The following TMPRSS4 variants were observed in gnomAD, a reference collection of about 807,000 sequenced individuals.
TMPRSS4 encodes transmembrane serine protease 4.
A neutral mutation model predicts 56.4 loss-of-function variants in TMPRSS4; 45 were observed. That is an observed-to-expected ratio of 0.80 (90% CI 0.63 to 1.02). TMPRSS4 has a LOEUF of 1.02. TMPRSS4 is among the 50% of genes least tolerant of loss of function. The pLI, the probability that TMPRSS4 is intolerant of heterozygous loss-of-function variation, is 0.00. For missense variants in TMPRSS4, 546 were observed against 556.7 expected (o/e 0.98, Z 0.19); for synonymous variants, 205 against 211.0 (o/e 0.97, Z 0.25).
intron 3 of TMPRSS4, among the ~76,000 whole-genome samples, chr11:118,099,380 C>T (rs1946600057): frequency 6.9e-6 from 1 of 145,456 alleles, no homozygotes; most frequent in African/African-American, 2.6e-5. Context: ...TAAAGCTTTG[C>T]AGAAAAAATC....
At position 118,113,559 on chromosome 11, in the gene TMPRSS4, G is replaced by A. The variant is rs180743194; in HGVS notation, c.910+124G>A. The stretch of plus-strand genomic sequence containing the variant: ...TCTCAAGTCCTCAGCTTGCCCATTT[G>A]TCTCTAATACGTCAGCCTAACATCA... On this transcript the variant is annotated intron_variant, in intron 9 of 12. Transcript: ENST00000437212. The A allele has an allele frequency of 7.8e-5, 87 of 1,121,038 alleles. 2 individuals are homozygous for A. The Middle Eastern group carries it at 8.3e-3, about 106-fold the overall frequency. 69.4% of individuals were successfully genotyped at this position (1,121,038 alleles called of 1,614,324 possible).
intron 5 of TMPRSS4, 183 bp from the exon 6 acceptor site, chr11:118,107,591 C>T (rs146340954): frequency 5.5e-5 from 28 of 509,578 alleles, no homozygotes; most frequent in African/African-American, 4.2e-4. Flanking sequence ...TGCCAAGGGT[C>T]GGTTCTTTAT....
At chr11:118,099,199 C>G in intron 3 of TMPRSS4, 101 bp downstream of exon 3, 8 of 914,324 alleles carry the variant, frequency 8.7e-6, no homozygotes, top group Non-Finnish European at 1.3e-5. Flanking sequence ...TCCCCCACCC[C>G]TGCCCTCACC....
chr11:118,099,675 C>T (rs953878819), intron 3 of TMPRSS4, among the ~76,000 whole-genome samples: 8 of 152,156 alleles, frequency 5.3e-5, no homozygotes, highest in African/African-American at 1.7e-4. Context: ...TGCCACGCCC[C>T]CTGCCCCCTC....
At position 118,118,239 on chromosome 11, in the gene TMPRSS4, T is replaced by C. The variant is rs1340053549; in HGVS notation, c.*326T>C. 8.0e-7 allele frequency: 1 copy of C among 1,257,554 alleles called. No individual in the cohort carries two copies. Among genetic ancestry groups the C allele is most frequent in the Non-Finnish European group, 1.0e-6 (1 of 998,252 alleles). The allele number at this position is 1,257,554 out of a possible 1,614,324, so 77.9% of individuals were successfully genotyped here. On this transcript the variant is annotated 3_prime_UTR_variant, in exon 13 of 13. Coordinates refer to ENST00000437212, the MANE Select transcript of TMPRSS4 (RefSeq NM_019894.4). Reference sequence around the variant, plus strand: ...CACACTACTGAATGGAAGCAGGCTGTCTTGTAAAAGCCCAGATCACTGTGG... The same window carrying C: ...CACACTACTGAATGGAAGCAGGCTGCCTTGTAAAAGCCCAGATCACTGTGG...
intron 11 of TMPRSS4, among the ~76,000 whole-genome samples, chr11:118,116,023 C>A (rs538762040): frequency 9.1e-6 from 1 of 110,372 alleles, no homozygotes; most frequent in African/African-American, 3.2e-5. Context: ...CTCACCCCGG[C>A]CTCATTGGCC....
In TMPRSS4 at chr11:118,113,184, G is replaced by A. The variant is rs147588004; in HGVS notation, c.744-85G>A. 2.0e-3 allele frequency: 2,824 copies of A among 1,405,132 alleles called. 33 individuals are homozygous for A. The Admixed American group carries it at 0.026, about 13-fold the overall frequency. The allele number at this position is 1,405,132 out of a possible 1,614,324, so 87.0% of individuals were successfully genotyped here. On this transcript the variant is annotated intron_variant, in intron 8 of 12. Coordinates refer to ENST00000437212, the MANE Select transcript of TMPRSS4 (RefSeq NM_019894.4). ...CCAAGGCAGTGACATCCAGCACCCC[G>A]ATCCCTAGGGCCCTGGGGACCCAGC...
chr11:118,117,044 C>A (rs1266851495), intron 11 of TMPRSS4, among the ~76,000 whole-genome samples: 1 of 152,124 alleles, frequency 6.6e-6, no homozygotes, highest in Non-Finnish European at 1.5e-5. Flanking sequence ...TCACTCAGAG[C>A]CTTTAATTTG....
chr11:118,077,845 G>A (rs184243671), intron 1 of TMPRSS4, among the ~76,000 whole-genome samples: 5 of 151,768 alleles, frequency 3.3e-5, no homozygotes, highest in Admixed American at 1.3e-4. Flanking sequence ...AACCCCATCC[G>A]TACTAAAAAT....
intron 9 of TMPRSS4, among the ~76,000 whole-genome samples, chr11:118,114,278 G>A (rs1489519639): frequency 6.6e-6 from 1 of 152,158 alleles, no homozygotes; most frequent in East Asian, 1.9e-4. Context: ...AATCAGGTAT[G>A]GCAAGGTGAC....
intron 3 of TMPRSS4, 66 bp from the exon 4 acceptor site, chr11:118,103,035 C>T (rs1207057346): frequency 6.3e-7 from 1 of 1,582,806 alleles, no homozygotes; most frequent in Non-Finnish European, 8.6e-7. Flanking sequence ...GCCAGGAAAA[C>T]CCAGCGTCTC....
downstream of TMPRSS4, among the ~76,000 whole-genome samples, chr11:118,122,161 A>G (rs1273251075): frequency 6.6e-6 from 1 of 152,216 alleles, no homozygotes; most frequent in Non-Finnish European, 1.5e-5. Context: ...AATAGAATAT[A>G]CAAAGTAGGA....
intron 12 of TMPRSS4, 145 bp from the exon 13 acceptor site, chr11:118,117,756 GA>G: frequency 6.5e-7 from 1 of 1,538,926 alleles, no homozygotes. Flanking sequence ...GAAGAGAGTG[GA>G]AAGGCTCATG....
intron 3 of TMPRSS4, among the ~76,000 whole-genome samples, chr11:118,101,367 T>C (rs1239117471): frequency 6.6e-6 from 1 of 152,138 alleles, no homozygotes; most frequent in Non-Finnish European, 1.5e-5. Context: ...GATACTGGAC[T>C]GGAGAGGGTC....
In TMPRSS4 at chr11:118,099,767, G is replaced by A. The variant is rs139943378; in HGVS notation, c.157+669G>A. Among the ~76,000 whole-genome samples the A allele has an allele frequency of 3.3e-3, 507 of 152,250 alleles. 1 individual carries two copies. Among genetic ancestry groups the A allele is most frequent in the African/African-American group, 0.011 (451 of 41,538 alleles). ...AGGGCGAGTTTCTGCTTGTGAGGAG[G>A]GGAGAAAGAGGAGGCAGCAGGGAAG... On this transcript the variant is annotated intron_variant, in intron 3 of 12. Coordinates refer to ENST00000437212, the MANE Select transcript of TMPRSS4 (RefSeq NM_019894.4).
At chr11:118,103,395 G>GTTTGTTT in intron 4 of TMPRSS4, 142 bp downstream of exon 4, 2 of 130,310 alleles carry the variant, frequency 1.5e-5, no homozygotes, top group African/African-American at 1.0e-4. Context: ...TTTGTTTGTT[G>GTTTGTTT]TTGTTTTGAG....
chr11:118,086,807 T>C (rs1021600212), intron 1 of TMPRSS4: 1 of 152,738 alleles, frequency 6.5e-6, no homozygotes, highest in African/African-American at 2.4e-5. Context: ...AGCAAAGGCA[T>C]CAAACTGCCT....
chr11:118,121,513 C>T lies in TMPRSS4; in HGVS notation c.*3600C>T, dbSNP rs930871533. The T allele has an allele frequency of 2.6e-5, 4 of 152,180 alleles. No individual in the cohort carries two copies. Among genetic ancestry groups the T allele is most frequent in the African/African-American group, 7.2e-5 (3 of 41,412 alleles). The allele number at this position is 152,180 out of a possible 1,614,324, so 9.4% of individuals were successfully genotyped here. The stretch of plus-strand genomic sequence containing the variant: ...AGCTGGGATTACATGCACATGCCAC[C>T]ATATCCGGCTAATTTTTGAATTTTT... On this transcript the variant is annotated 3_prime_UTR_variant, in exon 13 of 13. Transcript: ENST00000437212.
In TMPRSS4 at chr11:118,077,123, A is replaced by G; in HGVS notation, c.-180A>G. On this transcript the variant is annotated 5_prime_UTR_variant, in exon 1 of 13. Coordinates refer to ENST00000437212, the MANE Select transcript of TMPRSS4 (RefSeq NM_019894.4). Reference sequence around the variant, plus strand: ...GAGGCAGCAGCTTGCTCAGCGGACAAGGATGCTGGGCGTGAGGGACCAAGG... The same window carrying G: ...GAGGCAGCAGCTTGCTCAGCGGACAGGGATGCTGGGCGTGAGGGACCAAGG... 1 of 601,588 alleles carries G rather than the reference A, an allele frequency of 1.7e-6. No homozygotes were observed. The highest frequency in any genetic ancestry group is 2.9e-6 in the Non-Finnish European group (1 of 350,354). 37.3% of individuals were successfully genotyped at this position (601,588 alleles called of 1,614,324 possible). A position where few individuals can be genotyped will look rare whatever the true frequency, so the allele number is the denominator to read the frequency against.
Sources: allele counts gnomAD v4.1 joint callset (sites outside exome capture counted in the v4.1 genomes callset), GRCh38; gene constraint gnomAD v4.1.1; transcripts MANE v1.5; gene names NCBI Gene and HGNC (gene_info 2026-07-23, HGNC 2026-07-21).